Variants in HAP1 observed in about 807,000 individuals in gnomAD.
HAP1 encodes the protein huntingtin-associated protein 1.
In HAP1, 59 loss-of-function variants were observed where a neutral mutation model predicts 60.3. That is an observed-to-expected ratio of 0.98 (90% confidence interval 0.79 to 1.22). The LOEUF (loss-of-function observed/expected upper bound fraction) is 1.22, where lower values mean the gene tolerates loss of function less well. Among genes scored for constraint, HAP1 ranks in the 50% most tolerant of loss-of-function variants. The probability of loss-of-function intolerance (pLI) is 0.00; values close to 1 mark genes in which losing one functional copy is unlikely to be tolerated. For missense variants in HAP1, 825 were observed against 785.3 expected (o/e 1.05, Z -0.60); for synonymous variants, 346 against 330.6 (o/e 1.05, Z -0.50).
Position 41,729,549 on chromosome 17 carries a change from C to CAAAAAAAAAAAAAAAAAAAAAAAAAAA in HAP1, c.1070-1245_1070-1219dup, listed in dbSNP as rs1162563636. 3.2e-5 allele frequency among the ~76,000 whole-genome samples: 2 copies of CAAAAAAAAAAAAAAAAAAAAAAAAAAA among 63,096 alleles called. 1 individual carries two copies. Among genetic ancestry groups the CAAAAAAAAAAAAAAAAAAAAAAAAAAA allele is most frequent in the Non-Finnish European group, 5.8e-5 (2 of 34,356 alleles). The allele number at this position is 63,096 out of a possible 152,430, so 41.4% of individuals were successfully genotyped here. A position where few individuals can be genotyped will look rare whatever the true frequency, so the allele number is the denominator to read the frequency against. On this transcript the variant is annotated intron_variant, in intron 6 of 10. Coordinates refer to ENST00000347901, the MANE Select transcript of HAP1 (RefSeq NM_177977.3). ...TGGGTTACAGAGGGAGCCTCCTTCT[C>CAAAAAAAAAAAAAAAAAAAAAAAAAAA]AAAAAAAAAAAAAAAAAAAAAAAAA... is the stretch of plus-strand genomic sequence containing the variant.
chr17:41,718,677 C>T (rs1555586438), downstream of HAP1, among the ~76,000 whole-genome samples: 1 of 152,232 alleles, frequency 6.6e-6, no homozygotes, highest in Non-Finnish European at 1.5e-5. Context: ...CCACTCCAGG[C>T]TGAAAGGGGT....
Position 41,724,979 on chromosome 17 carries a change from C to T in HAP1, c.1582G>A (p.Glu528Lys), listed in dbSNP as rs782259614. 6 of 1,612,612 alleles carry T rather than the reference C, an allele frequency of 3.7e-6. No homozygotes were observed. Among genetic ancestry groups the T allele is most frequent in the African/African-American group, 1.3e-5 (1 of 74,914 alleles). ...TCCTCTGACACCAGCTCTGCCTCTT[C>T]CATCACCCCTTCCTCAGCCGGCACC... The part of the protein sequence containing the change: ...KKVPAEEGVM[E>K]EAELVSEETE... The change falls in exon 11 of 11, where the codon GAA (glutamate) becomes AAA (lysine). Residue 528 changes from glutamate (E) to lysine (K), a missense_variant. Physicochemically the swap from Glu to Lys is moderately conservative, Grantham distance 56. Coordinates refer to ENST00000347901, the MANE Select transcript of HAP1 (RefSeq NM_177977.3).
At chr17:41,732,591 G>T in intron 2 of HAP1, 128 bp downstream of exon 2, 1 of 980,638 alleles carries the variant, frequency 1.0e-6, no homozygotes, top group Non-Finnish European at 1.6e-6. Flanking sequence ...ACATCGACCT[G>T]TCTTCCATAA....
At chr17:41,721,612 G>A (rs1309662662), downstream of HAP1, 2 of 160,994 alleles carry the variant, frequency 1.2e-5, no homozygotes, top group African/African-American at 4.8e-5. Context: ...CTGTCACCCA[G>A]GTTGGAGTAC....
rs367686128 is a variant in HAP1, at chr17:41,732,010, C to T, written c.823G>A (p.Ala275Thr). The T allele has an allele frequency of 2.2e-4, 317 of 1,409,572 alleles. No homozygotes were observed. The highest frequency in any genetic ancestry group is 5.1e-5 in the Admixed American group (3 of 58,854). 87.3% of individuals were successfully genotyped at this position (1,409,572 alleles called of 1,614,324 possible). Residue 275 changes from alanine (A) to threonine (T), a missense_variant, in exon 4 of 11, where the codon GCA becomes ACA. Ala to Thr is a moderately conservative substitution (Grantham distance 58, BLOSUM62 0). Transcript: ENST00000347901. ...TCTTCTTCTTCCTGTTCCTCTTCTG[C>T]CTCCTTTTCTTCCTCCTCCTCTTCT... ...DEEEEEEEKE[A>T]EEEQEEEEAE... is the part of the protein sequence containing the mutation.
intron 6 of HAP1, chr17:41,730,057 GAAGA>G (rs782087693): frequency 8.0e-5 from 1 of 12,496 alleles, no homozygotes; most frequent in African/African-American, 3.7e-4. Context: ...GAGAGAGAAG[GAAGA>G]AAAGAAAGAA....
At chr17:41,734,019 G>A in intron 1 of HAP1, 147 bp downstream of exon 1, 1 of 638,976 alleles carries the variant, frequency 1.6e-6, no homozygotes, top group Middle Eastern at 4.4e-4. Context: ...GGGGCGACCA[G>A]ACAGACACCG....
At chr17:41,720,626 T>G (rs1214825937), downstream of HAP1, among the ~76,000 whole-genome samples, 1 of 152,050 alleles carries the variant, frequency 6.6e-6, no homozygotes, top group Non-Finnish European at 1.5e-5. Context: ...CTCAAAATAG[T>G]CCTTATGCCA....
At chr17:41,732,877 T>C in intron 1 of HAP1, 79 bp from the exon 2 acceptor site, 1 of 838,136 alleles carries the variant, frequency 1.2e-6, no homozygotes, top group East Asian at 2.4e-5. Context: ...AAACAGCTGT[T>C]TCCCGTCCTA....
intron 6 of HAP1, among the ~76,000 whole-genome samples, chr17:41,730,808 C>T (rs1389935176): frequency 3.3e-5 from 5 of 152,198 alleles, no homozygotes; most frequent in African/African-American, 1.2e-4. Context: ...GCCACTGCCC[C>T]GTGCATGACT....
chr17:41,727,364 C>G (rs781847123), intron 8 of HAP1: 1 of 780,756 alleles, frequency 1.3e-6, no homozygotes, highest in South Asian at 1.3e-5. Context: ...GGCGGAGGGT[C>G]TTCACCTCCT....
chr17:41,734,098 T>C, intron 1 of HAP1, 68 bp downstream of exon 1: 4 of 1,317,512 alleles, frequency 3.0e-6, no homozygotes, highest in East Asian at 2.4e-5. Context: ...CTGGACCCGA[T>C]GGGGCCACTT....
In HAP1 at chr17:41,732,736, A is replaced by G; in HGVS notation, c.532T>C (p.Leu178=). 6.2e-7 allele frequency: 1 copy of G among 1,612,080 alleles called. No individual in the cohort carries two copies. Among genetic ancestry groups the G allele is most frequent in the Non-Finnish European group, 8.5e-7 (1 of 1,178,164 alleles). The change falls in exon 2 of 11, where the codon TTA becomes CTA. Residue 178 remains leucine (L), a synonymous_variant. Coordinates refer to ENST00000347901, the MANE Select transcript of HAP1 (RefSeq NM_177977.3). ...GTACACACCTCCTCCAGCAAATATA[A>G]CATCACTTTGACGTCTTCCTGGGTG... ...KITQEDVKVM[L]YLLEELLPPV... is the part of the protein sequence containing the mutation.
chr17:41,725,060 C>CT lies in HAP1; in HGVS notation c.1500dup (p.Asp501ArgfsTer23), dbSNP rs769067971. On this transcript the variant is annotated frameshift_variant, in exon 11 of 11. Coordinates refer to ENST00000347901, the MANE Select transcript of HAP1 (RefSeq NM_177977.3). LOFTEE classifies it low-confidence loss of function (END_TRUNC). ...ACGAACTCCTCCGCAGGCGTGAAATCTTCCCCCCGCATGATATCCGCTGCC... is the reference window on the plus strand; with the variant it reads ...ACGAACTCCTCCGCAGGCGTGAAATCTTTCCCCCCGCATGATATCCGCTGCC... 4.7e-5 allele frequency: 75 copies of CT among 1,612,560 alleles called. No individual in the cohort carries two copies. The highest frequency in any genetic ancestry group is 6.3e-5 in the Non-Finnish European group (74 of 1,179,156).
intron 1 of HAP1, among the ~76,000 whole-genome samples, 179 bp downstream of exon 1, chr17:41,733,987 G>A (rs1912479816): frequency 6.6e-6 from 1 of 152,212 alleles, no homozygotes; most frequent in Admixed American, 6.5e-5. Flanking sequence ...CAGGGGACAA[G>A]AGCAGAGGAG....
In HAP1 at chr17:41,734,610, A is replaced by T. The variant is rs782085626; in HGVS notation, c.25T>A (p.Cys9Ser). MRPKRLGR[C>S]CAGSRLGPGD... ...GGTCCGAGCCGGCTCCCCGCGCAGC[A>T]CCGGCCCAACCTCTTCGGGCGCATC... Residue 9 changes from cysteine to serine, a missense_variant, in exon 1 of 11, where the codon TGC becomes AGC. Transcript: ENST00000347901. 6.4e-7 allele frequency: 1 copy of T among 1,553,520 alleles called. No homozygotes were observed. The highest frequency in any genetic ancestry group is 2.3e-5 in the East Asian group (1 of 43,372).
chr17:41,733,865 C>A lies in HAP1; in HGVS notation c.469+301G>T, dbSNP rs553449663. Among the ~76,000 whole-genome samples, 23 of 151,984 alleles carry A rather than the reference C, an allele frequency of 1.5e-4. 1 individual carries two copies. In the South Asian group the frequency reaches 1.7e-3, roughly 11 times the overall value. On this transcript the variant is annotated intron_variant, in intron 1 of 10. Transcript: ENST00000347901. ...GCCCCCCGCCCCTCTCCTGGCACTG[C>A]GGTAGACCCAGGAGAGGGGCGCTGA...
intron 6 of HAP1, among the ~76,000 whole-genome samples, chr17:41,729,280 T>G (rs1911933098): frequency 6.7e-6 from 1 of 150,024 alleles, no homozygotes; most frequent in Non-Finnish European, 1.5e-5. Flanking sequence ...ACAGGCACAG[T>G]GGCTCATGCC....
chr17:41,734,080 C>A (rs1912489168), intron 1 of HAP1, 86 bp downstream of exon 1: 1 of 1,066,770 alleles, frequency 9.4e-7, no homozygotes, highest in Non-Finnish European at 1.3e-6. Context: ...CTAGAGGGGG[C>A]GGGGTGCCTG....
Sources: allele counts gnomAD v4.1 joint callset (sites outside exome capture counted in the v4.1 genomes callset), GRCh38; gene constraint gnomAD v4.1.1; transcripts MANE v1.5; gene names NCBI Gene and HGNC (gene_info 2026-07-23, HGNC 2026-07-21).